The following ADGRB3 variants were observed in gnomAD, a reference collection of about 807,000 sequenced individuals.
ADGRB3 encodes brain-specific angiogenesis inhibitor 3.
ADGRB3 carries 37 observed loss-of-function variants against 193.4 expected under a neutral mutation model. The ratio of observed to expected loss-of-function variants is 0.19; its 90% CI spans 0.15 to 0.25. ADGRB3 has a LOEUF of 0.25. ADGRB3 is among the 10% of genes least tolerant of loss of function. ADGRB3 has a pLI of 1.00. For synonymous variants in ADGRB3, 690 were observed against 644.2 expected (o/e 1.07, Z -1.08); for missense variants, 1,637 against 1,852.9 (o/e 0.88, Z 2.14).
At chr6:69,355,593 T>C (rs931925614) in intron 27 of ADGRB3, among the ~76,000 whole-genome samples, 1 of 152,226 alleles carries the variant, frequency 6.6e-6, no homozygotes, top group Non-Finnish European at 1.5e-5. Context: ...TATTGTATTA[T>C]CTTATTAAAA....
intron 31 of ADGRB3, 88 bp downstream of exon 31, chr6:69,383,023 C>T (rs1017292117): frequency 3.6e-6 from 3 of 830,994 alleles, no homozygotes; most frequent in Non-Finnish European, 5.4e-6. Flanking sequence ...ATGGTGGGAA[C>T]ATAAGATGAG....
intron 3 of ADGRB3, among the ~76,000 whole-genome samples, chr6:68,811,821 T>C (rs1408243028): frequency 6.6e-6 from 1 of 152,098 alleles, no homozygotes; most frequent in East Asian, 1.9e-4. Flanking sequence ...GACATGTACT[T>C]TCTAGATGTC....
At chr6:69,044,746 T>A (rs564975360) in intron 13 of ADGRB3, among the ~76,000 whole-genome samples, 41 of 152,184 alleles carry the variant, frequency 2.7e-4, no homozygotes, top group Non-Finnish European at 4.7e-4. Context: ...AGAAATCAAA[T>A]CAAGTGTTGT....
At chr6:68,832,604 A>C (rs969767025) in intron 3 of ADGRB3, among the ~76,000 whole-genome samples, 1 of 152,060 alleles carries the variant, frequency 6.6e-6, no homozygotes, top group Non-Finnish European at 1.5e-5. Context: ...TTTTTTATCT[A>C]ATTTTTTCAT....
intron 3 of ADGRB3, among the ~76,000 whole-genome samples, chr6:68,718,278 G>C (rs1299031914): frequency 2.0e-5 from 3 of 151,798 alleles, no homozygotes; most frequent in South Asian, 2.1e-4. Flanking sequence ...CCCTACGACA[G>C]ATCTACTGAA....
chr6:69,064,585 CAA>C (rs1771844319), intron 16 of ADGRB3, among the ~76,000 whole-genome samples: 1 of 151,802 alleles, frequency 6.6e-6, no homozygotes, highest in Non-Finnish European at 1.5e-5. Context: ...AAATTTTTTA[CAA>C]AAATATATGT....
intron 31 of ADGRB3, among the ~76,000 whole-genome samples, chr6:69,386,574 G>A (rs1770076511): frequency 6.6e-6 from 1 of 152,034 alleles, no homozygotes; most frequent in Non-Finnish European, 1.5e-5. Flanking sequence ...TTAGTAGCCA[G>A]GCATTCAGAA....
chr6:69,279,404 T>G (rs1178280275), intron 20 of ADGRB3, among the ~76,000 whole-genome samples: 2 of 151,756 alleles, frequency 1.3e-5, no homozygotes, highest in Non-Finnish European at 2.9e-5. Context: ...ACCCAACATG[T>G]ATTGTTTTCA....
At chr6:69,265,390 A>C (rs1767019135) in intron 20 of ADGRB3, among the ~76,000 whole-genome samples, 1 of 151,834 alleles carries the variant, frequency 6.6e-6, no homozygotes, top group African/African-American at 2.4e-5. Context: ...TCCACAAGAA[A>C]ACTCTTTATT....
intron 3 of ADGRB3, among the ~76,000 whole-genome samples, chr6:68,894,700 A>G (rs575309685): frequency 2.6e-4 from 40 of 151,994 alleles, no homozygotes; most frequent in Non-Finnish European, 5.3e-4. Flanking sequence ...AGATAACTCC[A>G]TCAAAACACT....
chr6:69,369,320 G>A (rs1769656485), intron 29 of ADGRB3, among the ~76,000 whole-genome samples: 1 of 152,010 alleles, frequency 6.6e-6, no homozygotes, highest in Non-Finnish European at 1.5e-5. Context: ...GTATACCAAC[G>A]GTGGAAACAG....
rs142684774 is a variant in ADGRB3, at chr6:69,100,712, A to T, written c.2480+24674A>T. Among the ~76,000 whole-genome samples the T allele has an allele frequency of 1.8e-4, 28 of 151,516 alleles. No individual in the cohort carries two copies. The East Asian group carries it at 5.1e-3, about 28-fold the overall frequency. ...TAAAAATATGTATAATAATTCCAGAAAGGTAATTACTGTTAAATTTTTACC... is the reference window on the plus strand; with the variant it reads ...TAAAAATATGTATAATAATTCCAGATAGGTAATTACTGTTAAATTTTTACC... On this transcript the variant is annotated intron_variant, in intron 17 of 31. Transcript: ENST00000370598.
intron 16 of ADGRB3, among the ~76,000 whole-genome samples, chr6:69,066,560 T>C (rs1463518777): frequency 6.6e-6 from 1 of 152,054 alleles, no homozygotes; most frequent in Admixed American, 6.6e-5. Flanking sequence ...ATATGGAACC[T>C]AGCAATTCCA....
chr6:68,767,575 G>A (rs1437866585), intron 3 of ADGRB3, among the ~76,000 whole-genome samples: 1 of 152,132 alleles, frequency 6.6e-6, no homozygotes, highest in African/African-American at 2.4e-5. Flanking sequence ...CACACCCGTA[G>A]CCAATATCAT....
At chr6:69,270,174 T>G (rs1389159833) in intron 20 of ADGRB3, among the ~76,000 whole-genome samples, 1 of 152,118 alleles carries the variant, frequency 6.6e-6, no homozygotes, top group Non-Finnish European at 1.5e-5. Flanking sequence ...TCAAAAATGG[T>G]TTTTAGATCA....
intron 3 of ADGRB3, among the ~76,000 whole-genome samples, chr6:68,926,575 T>TGG (rs1767186914): frequency 6.6e-6 from 1 of 152,142 alleles, no homozygotes; most frequent in African/African-American, 2.4e-5. Context: ...GAAGCAATAA[T>TGG]GGCCTAGGTG....
intron 17 of ADGRB3, among the ~76,000 whole-genome samples, chr6:69,185,178 A>G (rs999095675): frequency 2.7e-4 from 41 of 152,148 alleles, no homozygotes; most frequent in Non-Finnish European, 4.7e-4. Context: ...TTTGAGTTTA[A>G]TGAAAATTCA....
intron 17 of ADGRB3, among the ~76,000 whole-genome samples, chr6:69,111,812 C>T (rs1303212299): frequency 6.6e-6 from 1 of 152,116 alleles, no homozygotes; most frequent in Admixed American, 6.6e-5. Flanking sequence ...ACATGTGAAC[C>T]ATCAGCTTAA....
intron 11 of ADGRB3, among the ~76,000 whole-genome samples, chr6:69,007,195 A>G (rs1034179764): frequency 1.3e-5 from 2 of 152,094 alleles, no homozygotes; most frequent in African/African-American, 2.4e-5. Flanking sequence ...CTCCCATGCA[A>G]TCTGTCGTCA....
Sources: gnomAD v4.1 joint callset for allele counts (sites outside exome capture counted in the v4.1 genomes callset) on GRCh38, gnomAD v4.1.1 for gene constraint, MANE v1.5 for transcripts, NCBI Gene and HGNC (gene_info 2026-07-23, HGNC 2026-07-21) for gene names.